The following ABHD6 variants were observed in gnomAD, a reference collection of about 807,000 sequenced individuals.
ABHD6 encodes the protein monoacylglycerol lipase ABHD6.
In ABHD6, 33 loss-of-function variants were observed where a neutral mutation model predicts 38.8. The observed-to-expected ratio is 0.85, with a 90% CI of 0.64 to 1.14. ABHD6 has a LOEUF of 1.14. ABHD6 is among the 50% of genes most tolerant of loss of function. The pLI, the probability that ABHD6 is intolerant of heterozygous loss-of-function variation, is 0.00. For synonymous variants in ABHD6, 147 were observed against 161.6 expected (o/e 0.91, Z 0.69); for missense variants, 380 against 422.6 (o/e 0.90, Z 0.88).
chr3:58,274,519 T>C, intron 6 of ABHD6, 139 bp from the exon 7 acceptor site: 1 of 873,778 alleles, frequency 1.1e-6, no homozygotes, highest in Non-Finnish European at 1.7e-6. Context: ...AGGATGGCAG[T>C]ACCAACAAAA....
intron 9 of ABHD6, among the ~76,000 whole-genome samples, chr3:58,289,855 G>A (rs1204902333): frequency 2.4e-5 from 3 of 126,892 alleles, no homozygotes; most frequent in African/African-American, 1.1e-4. Context: ...GCGGCTGGCC[G>A]GGTAGGGGGC....
At chr3:58,247,002 A>G (rs4681831) in intron 1 of ABHD6, among the ~76,000 whole-genome samples, 112,347 of 151,144 alleles carry the variant, frequency 0.74, 42,986 homozygotes, top group East Asian at 1. Context: ...CCTCATAATG[A>G]AAAACAGTTA....
At chr3:58,275,193 A>G (rs1027476312) in intron 7 of ABHD6, among the ~76,000 whole-genome samples, 3 of 152,086 alleles carry the variant, frequency 2.0e-5, no homozygotes, top group Non-Finnish European at 4.4e-5. Flanking sequence ...AAAAACATAC[A>G]TATTCAAGAC....
At chr3:58,261,518 T>A (rs760427370) in intron 3 of ABHD6, among the ~76,000 whole-genome samples, 7 of 152,216 alleles carry the variant, frequency 4.6e-5, no homozygotes, top group Non-Finnish European at 8.8e-5. Context: ...GGGCTACAGG[T>A]GTGTGCCACC....
chr3:58,269,533 G>A lies in ABHD6; in HGVS notation c.390+99G>A, dbSNP rs757878642. The A allele has an allele frequency of 4.3e-4, 374 of 875,286 alleles. 1 individual carries two copies. Among genetic ancestry groups the A allele is most frequent in the Non-Finnish European group, 6.0e-4 (328 of 544,284 alleles). The allele number at this position is 875,286 out of a possible 1,614,324, so 54.2% of individuals were successfully genotyped here. On this transcript the variant is annotated intron_variant, in intron 5 of 9. Coordinates refer to ENST00000478253, the MANE Select transcript of ABHD6 (RefSeq NM_001320126.2). The surrounding 1 kb of genome is among the most constrained non-coding windows in gnomAD (Gnocchi z 4.4). Reference sequence around the variant, plus strand: ...GGAAGGGAGTCCTGTGCTACCTCATGACCAGTCTCCTGTACATTCTGTCTA... The same window carrying A: ...GGAAGGGAGTCCTGTGCTACCTCATAACCAGTCTCCTGTACATTCTGTCTA...
At position 58,285,045 on chromosome 3, in the gene ABHD6, A is replaced by G; in HGVS notation, c.682-40A>G. On this transcript the variant is annotated intron_variant, in intron 7 of 9. Coordinates refer to ENST00000478253, the MANE Select transcript of ABHD6 (RefSeq NM_001320126.2). The surrounding 1 kb of genome is among the most constrained non-coding windows in gnomAD (Gnocchi z 4.9). Reference sequence around the variant, plus strand: ...AGCTGTGAGAGGCCTGAGGAAATGAATCTTCTCTTGCTCTCTAACTTTGGG... The same window carrying G: ...AGCTGTGAGAGGCCTGAGGAAATGAGTCTTCTCTTGCTCTCTAACTTTGGG... 1.3e-6 allele frequency: 2 copies of G among 1,596,884 alleles called. No individual in the cohort carries two copies. The highest frequency in any genetic ancestry group is 1.7e-6 in the Non-Finnish European group (2 of 1,164,328).
intron 9 of ABHD6, among the ~76,000 whole-genome samples, chr3:58,291,315 C>T (rs1037521242): frequency 1.3e-5 from 2 of 151,838 alleles, no homozygotes; most frequent in Admixed American, 6.6e-5. Flanking sequence ...TGCAGTGAGC[C>T]GAGATGGCAG....
intron 7 of ABHD6, among the ~76,000 whole-genome samples, chr3:58,277,733 A>G (rs1363363058): frequency 1.3e-5 from 2 of 152,154 alleles, no homozygotes; most frequent in African/African-American, 4.8e-5. Flanking sequence ...TCAGTATGAT[A>G]TTGGCTGTGG....
At chr3:58,282,719 G>A (rs550199474) in intron 7 of ABHD6, among the ~76,000 whole-genome samples, 5 of 152,172 alleles carry the variant, frequency 3.3e-5, no homozygotes, top group Non-Finnish European at 5.9e-5. Context: ...CTGGGCAACA[G>A]AGTGAGACCC....
Position 58,270,943 on chromosome 3 carries a change from C to G in ABHD6, c.402C>G (p.Cys134Trp), listed in dbSNP as rs2097444393. 6.2e-7 allele frequency: 1 copy of G among 1,606,340 alleles called. No homozygotes were observed. Among genetic ancestry groups the G allele is most frequent in the Admixed American group, 1.7e-5 (1 of 57,978 alleles). ...QVKRIHQFVE[C>W]LKLNKKPFHL... ...ATTTCCCTTCCTAGTTTGTAGAATG[C>G]CTGAAGCTGAACAAAAAACCTTTCC... The change falls in exon 6 of 10, where the codon TGC becomes TGG. Residue 134 changes from cysteine (C) to tryptophan (W), a missense_variant. By Grantham distance (215) the Cys-to-Trp change is radical. Transcript: ENST00000478253.
chr3:58,291,157 A>G (rs1425436465), intron 9 of ABHD6, among the ~76,000 whole-genome samples: 5 of 150,984 alleles, frequency 3.3e-5, no homozygotes, highest in African/African-American at 1.2e-4. Flanking sequence ...CTGGCGGATC[A>G]CTCGCGGTTA....
chr3:58,242,516 T>C lies in ABHD6; in HGVS notation c.-91+4600T>C, dbSNP rs956808714. ...GATTCATGACTTCTCCCCCTAAGGC[T>C]GTGTGATGGGTGCAGGGAGTGGTTT... On this transcript the variant is annotated intron_variant, in intron 1 of 9. Coordinates refer to ENST00000478253, the MANE Select transcript of ABHD6 (RefSeq NM_001320126.2). Among the ~76,000 whole-genome samples the C allele has an allele frequency of 5.3e-5, 8 of 152,362 alleles. 1 individual carries two copies. In the South Asian group the frequency reaches 1.7e-3, roughly 32 times the overall value.
At position 58,267,092 on chromosome 3, in the gene ABHD6, A is replaced by T; in HGVS notation, c.120-97A>T. 1 of 1,308,186 alleles carries T rather than the reference A, an allele frequency of 7.6e-7. No homozygotes were observed. Among genetic ancestry groups the T allele is most frequent in the African/African-American group, 1.5e-5 (1 of 67,638 alleles). The allele number at this position is 1,308,186 out of a possible 1,614,324, so 81.0% of individuals were successfully genotyped here. ...GGGCTGGAGAAGTGTTTGTGTTATC[A>T]CTAAGGAAGACTTATAGAGAGGACC... On this transcript the variant is annotated intron_variant, in intron 3 of 9. Coordinates refer to ENST00000478253, the MANE Select transcript of ABHD6 (RefSeq NM_001320126.2). The surrounding 1 kb of genome is among the most constrained non-coding windows in gnomAD (Gnocchi z 4.3).
chr3:58,264,001 A>T (rs1177677338), intron 3 of ABHD6, among the ~76,000 whole-genome samples: 1 of 152,134 alleles, frequency 6.6e-6, no homozygotes, highest in Non-Finnish European at 1.5e-5. Context: ...TGGAATCAAT[A>T]GTATTTAAAA....
intron 9 of ABHD6, among the ~76,000 whole-genome samples, chr3:58,286,876 G>GTGTATATATATATA (rs1559784545): frequency 2.4e-4 from 10 of 42,088 alleles, no homozygotes; most frequent in South Asian, 1.1e-3. Flanking sequence ...ATATGTATAT[G>GTGTATATATATATA]TATATATAAG....
At chr3:58,290,877 C>T (rs1451226071) in intron 9 of ABHD6, among the ~76,000 whole-genome samples, 8 of 147,762 alleles carry the variant, frequency 5.4e-5, no homozygotes, top group Admixed American at 4.7e-4. Flanking sequence ...CGGGCAGAGA[C>T]GCTCCTCACT....
At chr3:58,290,614 T>C (rs1232068066) in intron 9 of ABHD6, among the ~76,000 whole-genome samples, 177 of 137,960 alleles carry the variant, frequency 1.3e-3, no homozygotes, top group African/African-American at 5.1e-3. Context: ...GGCTCCTCAC[T>C]TCTCAGACAG....
rs1426064249 is a variant in ABHD6 at position 58,237,833 on chromosome 3, G to C, written c.-174G>C. On this transcript the variant is annotated 5_prime_UTR_variant, in exon 1 of 10. Transcript: ENST00000478253. The stretch of plus-strand genomic sequence containing the variant: ...CTGGGAGCGGCGCGGGTAGGAGCCC[G>C]GCGGCAGGTCCCAGCCCGGGGCTAG... 1 of 152,058 alleles carries C rather than the reference G, an allele frequency of 6.6e-6. No homozygotes were observed. The highest frequency in any genetic ancestry group is 1.9e-4 in the East Asian group (1 of 5,158). The allele number at this position is 152,058 out of a possible 1,614,324, so 9.4% of individuals were successfully genotyped here.
At chr3:58,291,605 C>T (rs1246273397) in intron 9 of ABHD6, among the ~76,000 whole-genome samples, 5 of 152,146 alleles carry the variant, frequency 3.3e-5, no homozygotes, top group South Asian at 2.1e-4. Flanking sequence ...TCTAGGAAAT[C>T]GCTGAAATGG....
Sources: gnomAD v4.1 joint callset for allele counts (sites outside exome capture counted in the v4.1 genomes callset) on GRCh38, gnomAD v4.1.1 for gene constraint, Gnocchi (gnomAD v3.1) non-coding constraint, MANE v1.5 for transcripts, NCBI Gene and HGNC (gene_info 2026-07-23, HGNC 2026-07-21) for gene names.